LMBRD1: variants seen among roughly 807,000 people sequenced by gnomAD.
LMBRD1 encodes the protein LMBR1 domain containing 1, also known as lysosomal cobalamin transport escort protein LMBD1.
A neutral mutation model predicts 74.8 loss-of-function variants in LMBRD1; 64 were observed. That is an observed-to-expected ratio of 0.86 (90% CI 0.70 to 1.05). The LOEUF is 1.05. LMBRD1 is among the 50% of genes least tolerant of loss of function. LMBRD1 has a pLI of 0.00. For synonymous variants in LMBRD1, 204 were observed against 216.3 expected (o/e 0.94, Z 0.50); for missense variants, 652 against 645.9 (o/e 1.01, Z -0.10).
At chr6:69,762,846 C>T (rs1006142783) in intron 3 of LMBRD1, among the ~76,000 whole-genome samples, 2 of 152,136 alleles carry the variant, frequency 1.3e-5, no homozygotes, top group African/African-American at 4.8e-5. Flanking sequence ...GGGTCTCCGC[C>T]AGGACTGAAG....
intron 3 of LMBRD1, among the ~76,000 whole-genome samples, chr6:69,774,995 G>GAGGA (rs1765665237): frequency 2.0e-5 from 1 of 50,966 alleles, no homozygotes; most frequent in Non-Finnish European, 3.9e-5. Context: ...GGAAGGGAGG[G>GAGGA]AGGGAGGGAG....
intron 5 of LMBRD1, among the ~76,000 whole-genome samples, chr6:69,745,352 G>A (rs551058883): frequency 1.3e-4 from 20 of 148,478 alleles, no homozygotes; most frequent in African/African-American, 3.7e-4. Context: ...TCCGCTTCCC[G>A]GGTTCACGCC....
rs1281683375 is a variant in LMBRD1 at position 69,796,906 on chromosome 6, T to A, written c.-25A>T. The A allele has an allele frequency of 2.5e-6, 4 of 1,597,604 alleles. No individual in the cohort carries two copies. The highest frequency in any genetic ancestry group is 3.4e-6 in the Non-Finnish European group (4 of 1,169,216). Reference sequence around the variant, plus strand: ...TCTTCGCTTCCGGTCCAGACCAACCTGAGCGCCCGGGGTGGGGAAAGGGGA... The same window carrying A: ...TCTTCGCTTCCGGTCCAGACCAACCAGAGCGCCCGGGGTGGGGAAAGGGGA... On this transcript the variant is annotated 5_prime_UTR_variant, in exon 1 of 16. Coordinates refer to ENST00000649934, the MANE Select transcript of LMBRD1 (RefSeq NM_018368.4).
At chr6:69,716,937 A>C (rs1766504817) in intron 8 of LMBRD1, among the ~76,000 whole-genome samples, 1 of 151,542 alleles carries the variant, frequency 6.6e-6, no homozygotes, top group African/African-American at 2.4e-5. Context: ...GTACAGGCAC[A>C]TGTCACAACA....
At chr6:69,787,268 T>G (rs1384628379) in intron 2 of LMBRD1, among the ~76,000 whole-genome samples, 1 of 151,970 alleles carries the variant, frequency 6.6e-6, no homozygotes, top group Non-Finnish European at 1.5e-5. Flanking sequence ...CTTTTGAGAG[T>G]CAGCAAATAG....
chr6:69,732,878 G>A (rs1401963714), intron 7 of LMBRD1, among the ~76,000 whole-genome samples: 2 of 152,014 alleles, frequency 1.3e-5, no homozygotes, highest in Non-Finnish European at 2.9e-5. Context: ...ATATATATCC[G>A]TGCCTGTTAA....
At chr6:69,750,560 T>C (rs1025736500) in intron 4 of LMBRD1, among the ~76,000 whole-genome samples, 2 of 152,140 alleles carry the variant, frequency 1.3e-5, no homozygotes, top group African/African-American at 2.4e-5. Flanking sequence ...TTTTAAAATC[T>C]GAATTAATGT....
intron 6 of LMBRD1, among the ~76,000 whole-genome samples, chr6:69,739,847 C>A (rs1767060540): frequency 6.6e-6 from 1 of 152,206 alleles, no homozygotes; most frequent in Non-Finnish European, 1.5e-5. Context: ...GTGGCTCATG[C>A]CTGTAATCCC....
chr6:69,724,298 A>C (rs2149859822), intron 7 of LMBRD1, among the ~76,000 whole-genome samples: 1 of 145,814 alleles, frequency 6.9e-6, no homozygotes, highest in African/African-American at 2.5e-5. Context: ...AGGAGGAAAT[A>C]GTTCTAGTTT....
rs1451385627 is a variant in LMBRD1 at position 69,701,876 on chromosome 6, C to T, written c.980+13G>A. Reference sequence around the variant, plus strand: ...TGTATAAGTGCTTTAGAAAATGTGTCTACTGTACTTACTTTGACAAGAAGA... The same window carrying T: ...TGTATAAGTGCTTTAGAAAATGTGTTTACTGTACTTACTTTGACAAGAAGA... On this transcript the variant is annotated intron_variant, in intron 10 of 15. Transcript: ENST00000649934. 4 of 1,519,732 alleles carry T rather than the reference C, an allele frequency of 2.6e-6. No individual in the cohort carries two copies. The highest frequency in any genetic ancestry group is 3.7e-6 in the Non-Finnish European group (4 of 1,095,246). The allele number at this position is 1,519,732 out of a possible 1,614,324, so 94.1% of individuals were successfully genotyped here.
chr6:69,697,688 T>C (rs908927518), intron 13 of LMBRD1, 47 bp from the exon 14 acceptor site: 1 of 1,123,416 alleles, frequency 8.9e-7, no homozygotes, highest in Admixed American at 1.7e-5. Flanking sequence ...CATTAATAAA[T>C]ACATTTGGAT....
At chr6:69,760,777 T>C (rs1194047838) in intron 3 of LMBRD1, among the ~76,000 whole-genome samples, 1 of 152,202 alleles carries the variant, frequency 6.6e-6, no homozygotes, top group Non-Finnish European at 1.5e-5. Flanking sequence ...TGCTGTATCC[T>C]TCTCTCACTC....
chr6:69,688,740 T>G (rs1765818358), intron 14 of LMBRD1, among the ~76,000 whole-genome samples: 1 of 129,454 alleles, frequency 7.7e-6, no homozygotes, highest in Non-Finnish European at 1.8e-5. Context: ...ATAAAAGATA[T>G]TTATTTAAAA....
chr6:69,751,315 T>C (rs1385510239), intron 4 of LMBRD1, among the ~76,000 whole-genome samples: 1 of 152,074 alleles, frequency 6.6e-6, no homozygotes, highest in Non-Finnish European at 1.5e-5. Flanking sequence ...GTCAGGTTTT[T>C]AAAAAGTCGG....
At chr6:69,783,354 A>G (rs1211763803) in intron 2 of LMBRD1, among the ~76,000 whole-genome samples, 1 of 152,140 alleles carries the variant, frequency 6.6e-6, no homozygotes, top group African/African-American at 2.4e-5. Context: ...TCAAAACAGA[A>G]ATTTAAAAGT....
At chr6:69,702,269 A>C (rs917109707) in intron 9 of LMBRD1, among the ~76,000 whole-genome samples, 3 of 143,432 alleles carry the variant, frequency 2.1e-5, no homozygotes, top group Non-Finnish European at 4.6e-5. Flanking sequence ...TGAAAAGTAC[A>C]TTATGACTAA....
chr6:69,748,822 G>A (rs1195406193), intron 5 of LMBRD1, among the ~76,000 whole-genome samples: 2 of 151,966 alleles, frequency 1.3e-5, no homozygotes, highest in African/African-American at 4.8e-5. Flanking sequence ...GGAATTCATT[G>A]ACAAAGATTT....
intron 14 of LMBRD1, among the ~76,000 whole-genome samples, chr6:69,682,301 C>T (rs190029923): frequency 6.6e-6 from 1 of 151,946 alleles, no homozygotes; most frequent in East Asian, 1.9e-4. Flanking sequence ...TTGAAGGACA[C>T]AGTTTTCTTA....
rs1458268628 is a variant in LMBRD1 at position 69,737,997 on chromosome 6, G to A, written c.581C>T (p.Ser194Leu). 1 of 1,609,456 alleles carries A rather than the reference G, an allele frequency of 6.2e-7. No homozygotes were observed. The highest frequency in any genetic ancestry group is 2.2e-5 in the East Asian group (1 of 44,602). ...CAAGGTCAGAGAACTGATAGAAAAT[G>A]ACAATGCAGCTAAACCATCTGTGAA... Reference protein sequence around the residue: ...LGSSHGLAALSFSISSLTLIG... With the variant: ...LGSSHGLAALLFSISSLTLIG... Residue 194 changes from serine to leucine, a missense_variant, in exon 7 of 16, where the codon TCA (serine) becomes TTA (leucine). By Grantham distance (145) the Ser-to-Leu change is moderately radical (BLOSUM62 -2). Coordinates refer to ENST00000649934, the MANE Select transcript of LMBRD1 (RefSeq NM_018368.4).
Sources: gnomAD v4.1 joint callset for allele counts (sites outside exome capture counted in the v4.1 genomes callset) on GRCh38, gnomAD v4.1.1 for gene constraint, MANE v1.5 for transcripts, NCBI Gene and HGNC (gene_info 2026-07-23, HGNC 2026-07-21) for gene names.